Variants in HS2ST1 observed in about 807,000 individuals in gnomAD.
The protein encoded by HS2ST1 is 2-O-sulfotransferase.
HS2ST1 carries 18 observed loss-of-function variants against 42.9 expected under a neutral mutation model. That is an observed-to-expected ratio of 0.42 (90% CI 0.29 to 0.62). HS2ST1 has a LOEUF of 0.62. Ranked by LOEUF, HS2ST1 falls within the 20% of genes least tolerant of loss-of-function variation. HS2ST1 has a pLI of 0.21. For missense variants in HS2ST1, 334 were observed against 433.8 expected, an observed-to-expected ratio of 0.77 and a Z score of 2.04; for synonymous variants, 146 against 152.9, an observed-to-expected ratio of 0.95 and a Z score of 0.33.
chr1:86,989,475 A>G (rs1369080153), intron 1 of HS2ST1, among the ~76,000 whole-genome samples: 2 of 152,218 alleles, frequency 1.3e-5, no homozygotes. Flanking sequence ...GCTTTTTATA[A>G]AGAGGCTTTC....
At chr1:86,915,926 G>A (rs1660145026) in intron 1 of HS2ST1, among the ~76,000 whole-genome samples, 1 of 152,184 alleles carries the variant, frequency 6.6e-6, no homozygotes, top group Non-Finnish European at 1.5e-5. Flanking sequence ...GAACGCTGAA[G>A]GGGAATTATG....
intron 1 of HS2ST1, among the ~76,000 whole-genome samples, chr1:87,065,382 T>C (rs1651223577): frequency 6.6e-6 from 1 of 152,202 alleles, no homozygotes; most frequent in East Asian, 1.9e-4. Flanking sequence ...ATGCCAAGGC[T>C]CCTCCACCCA....
At chr1:87,004,807 T>A (rs542773714) in intron 1 of HS2ST1, among the ~76,000 whole-genome samples, 12 of 152,094 alleles carry the variant, frequency 7.9e-5, no homozygotes, top group Non-Finnish European at 1.6e-4. Context: ...GGCTTAGGAG[T>A]CATATAGTGC....
intron 3 of HS2ST1, among the ~76,000 whole-genome samples, chr1:87,090,022 TCA>T (rs1651903164): frequency 6.6e-6 from 1 of 151,978 alleles, no homozygotes; most frequent in East Asian, 1.9e-4. Context: ...CCCAGGAATC[TCA>T]GTCTTAAGAA....
Position 87,107,025 on chromosome 1 carries a change from A to G in HS2ST1, c.*2329A>G, listed in dbSNP as rs1475463247. On this transcript the variant is annotated 3_prime_UTR_variant, in exon 7 of 7. Transcript: ENST00000370550. ...CTGCCATTTTACCACAAAAGCAGCAATAGACATTATGTAAACAAATGAGCA... is the reference window on the plus strand; with the variant it reads ...CTGCCATTTTACCACAAAAGCAGCAGTAGACATTATGTAAACAAATGAGCA... 1.3e-5 allele frequency: 2 copies of G among 152,098 alleles called. No homozygotes were observed. The highest frequency in any genetic ancestry group is 2.1e-4 in the South Asian group (1 of 4,838). The allele number at this position is 152,098 out of a possible 1,614,324, so 9.4% of individuals were successfully genotyped here. A position where few individuals can be genotyped will look rare whatever the true frequency, so the allele number is the denominator to read the frequency against.
chr1:86,966,969 G>A (rs1648065926), intron 1 of HS2ST1, among the ~76,000 whole-genome samples: 1 of 150,800 alleles, frequency 6.6e-6, no homozygotes, highest in African/African-American at 2.4e-5. Flanking sequence ...TCAGCTCACT[G>A]CAACCTCTGC....
chr1:86,952,891 G>T (rs1260939090), intron 1 of HS2ST1, among the ~76,000 whole-genome samples: 1 of 151,944 alleles, frequency 6.6e-6, no homozygotes, highest in Non-Finnish European at 1.5e-5. Flanking sequence ...TCAACTTAAA[G>T]TCACTAGCTT....
Position 87,089,926 on chromosome 1 carries a change from G to A in HS2ST1, c.450-2605G>A, listed in dbSNP as rs1190845871. Among the ~76,000 whole-genome samples, 9 of 152,146 alleles carry A rather than the reference G, an allele frequency of 5.9e-5. No individual in the cohort carries two copies. In the East Asian group the frequency reaches 1.7e-3, roughly 29 times the overall value. On this transcript the variant is annotated intron_variant, in intron 3 of 6. Coordinates refer to ENST00000370550, the MANE Select transcript of HS2ST1 (RefSeq NM_012262.4). ...TAGGGGAAAGGAGGAAACATTGGTA[G>A]GAGATGTTCTTCTGCGAGGAGATTA...
intron 1 of HS2ST1, among the ~76,000 whole-genome samples, chr1:86,976,622 T>C (rs1304478943): frequency 2.7e-5 from 4 of 149,832 alleles, no homozygotes; most frequent in African/African-American, 9.8e-5. Flanking sequence ...AATTAAATGC[T>C]ATGAAAAAGA....
chr1:87,061,894 AT>A, intron 1 of HS2ST1, among the ~76,000 whole-genome samples: 1 of 149,504 alleles, frequency 6.7e-6, no homozygotes, highest in East Asian at 1.9e-4. Flanking sequence ...CCTCACTAAC[AT>A]TTGTTATTTT....
At chr1:86,936,085 A>ATTTCTCTCTC (rs111936043) in intron 1 of HS2ST1, among the ~76,000 whole-genome samples, 39,510 of 151,746 alleles carry the variant, frequency 0.26, 6,104 homozygotes, top group African/African-American at 0.43. Flanking sequence ...TTTCTACTAC[A>ATTTCTCTCTC]TTTCTCTCTG....
chr1:86,968,571 T>TA (rs1336981272), intron 1 of HS2ST1, among the ~76,000 whole-genome samples: 2 of 112,624 alleles, frequency 1.8e-5, no homozygotes, highest in Non-Finnish European at 4.0e-5. Context: ...GGCCCAGCTG[T>TA]TTTTTTGACT....
In HS2ST1 at chr1:86,990,812, T is replaced by TTATATATATA. The variant is rs57401994; in HGVS notation, c.124+75668_124+75677dup. 5.7e-3 allele frequency among the ~76,000 whole-genome samples: 58 copies of TTATATATATA among 10,256 alleles called. 4 individuals carry two copies. Among genetic ancestry groups the TTATATATATA allele is most frequent in the Non-Finnish European group, 0.018 (41 of 2,268 alleles). 6.7% of individuals were successfully genotyped at this position (10,256 alleles called of 152,430 possible). Reference sequence around the variant, plus strand: ...CATATGCCACCATGCCTGGCTAATTTTATATATATATATATATATATATAT... The same window carrying TTATATATATA: ...CATATGCCACCATGCCTGGCTAATTTTATATATATATATATATATATATATATATATATAT... On this transcript the variant is annotated intron_variant, in intron 1 of 6. Coordinates refer to ENST00000370550, the MANE Select transcript of HS2ST1 (RefSeq NM_012262.4).
At chr1:87,057,050 C>G (rs1054131723) in intron 1 of HS2ST1, among the ~76,000 whole-genome samples, 8 of 152,086 alleles carry the variant, frequency 5.3e-5, no homozygotes, top group Non-Finnish European at 4.4e-5. Context: ...AATGGAGAAG[C>G]AGATATGAAA....
intron 1 of HS2ST1, among the ~76,000 whole-genome samples, chr1:86,991,769 TTAAG>T (rs2100560841): frequency 6.6e-6 from 1 of 152,304 alleles, no homozygotes; most frequent in African/African-American, 2.4e-5. Flanking sequence ...GCTGTGTGGA[TTAAG>T]TGAGAAAATG....
Position 87,039,057 on chromosome 1 carries a change from C to T in HS2ST1, c.125-33877C>T, listed in dbSNP as rs143299521. On this transcript the variant is annotated intron_variant, in intron 1 of 6. Coordinates refer to ENST00000370550, the MANE Select transcript of HS2ST1 (RefSeq NM_012262.4). ...AGCCAAATGACAACTTTGGCTGAAC[C>T]CTGTACTGATATGGAAGGTAATAAT... 4.6e-3 allele frequency among the ~76,000 whole-genome samples: 701 copies of T among 151,948 alleles called. 4 individuals are homozygous for T. Among genetic ancestry groups the T allele is most frequent in the Middle Eastern group, 0.02 (6 of 294 alleles).
chr1:87,084,993 C>A (rs1233087616), intron 3 of HS2ST1, among the ~76,000 whole-genome samples: 3 of 152,094 alleles, frequency 2.0e-5, no homozygotes, highest in African/African-American at 7.2e-5. Flanking sequence ...AACTATATGC[C>A]TACTCACAGT....
In HS2ST1 at chr1:87,101,245, A is replaced by G. The variant is rs974012707; in HGVS notation, c.687-2187A>G. Among the ~76,000 whole-genome samples, 7 of 137,390 alleles carry G rather than the reference A, an allele frequency of 5.1e-5. No individual in the cohort carries two copies. The Admixed American group carries it at 5.9e-4, about 12-fold the overall frequency. 90.1% of individuals were successfully genotyped at this position (137,390 alleles called of 152,430 possible). Reference sequence around the variant, plus strand: ...CAGTGGCACGATCTCGGTTCACTGCAACCTCCGCCTCCCGGGCTCAGGCAA... The same window carrying G: ...CAGTGGCACGATCTCGGTTCACTGCGACCTCCGCCTCCCGGGCTCAGGCAA... On this transcript the variant is annotated intron_variant, in intron 5 of 6. Transcript: ENST00000370550.
chr1:87,015,354 T>TG (rs1222533266), intron 1 of HS2ST1, among the ~76,000 whole-genome samples: 7 of 149,596 alleles, frequency 4.7e-5, no homozygotes, highest in African/African-American at 7.4e-5. Context: ...CCCTGTTTTT[T>TG]TTTTTTTTTT....
Sources: allele counts gnomAD v4.1 joint callset (sites outside exome capture counted in the v4.1 genomes callset), GRCh38; gene constraint gnomAD v4.1.1; transcripts MANE v1.5; gene names NCBI Gene and HGNC (gene_info 2026-07-23, HGNC 2026-07-21).